TNPO1: variants seen among roughly 807,000 people sequenced by gnomAD.
TNPO1 encodes the protein transportin-1.
A neutral mutation model predicts 119.5 loss-of-function variants in TNPO1; 8 were observed. The observed-to-expected ratio is 0.07, with a 90% confidence interval of 0.04 to 0.12. The LOEUF is 0.12. Among genes scored for constraint, TNPO1 ranks in the 10% least tolerant of loss-of-function variants. The probability of loss-of-function intolerance (pLI) is 1.00; values close to 1 mark genes in which losing one functional copy is unlikely to be tolerated. For missense variants in TNPO1, 576 were observed against 1,089.8 expected (o/e 0.53, Z 6.64); for synonymous variants, 362 against 363.0 (o/e 1.00, Z 0.03).
intron 1 of TNPO1, chr5:72,848,102 C>T: frequency 8.9e-7 from 1 of 1,128,830 alleles, no homozygotes; most frequent in Non-Finnish European, 1.1e-6. Context: ...ATCTTGGGGC[C>T]AGATTGCAAA....
Position 72,819,299 on chromosome 5 carries a change from A to G in TNPO1, c.15+2547A>G, listed in dbSNP as rs976794013. On this transcript the variant is annotated intron_variant, in intron 1 of 24. Transcript: ENST00000337273. ...CACCAGATCATGATCAGATTTCAACATGAATTTTGATGGAGACAGACACAC... is the reference window on the plus strand; with the variant it reads ...CACCAGATCATGATCAGATTTCAACGTGAATTTTGATGGAGACAGACACAC... Among the ~76,000 whole-genome samples the G allele has an allele frequency of 8.5e-5, 13 of 152,354 alleles. 1 individual carries two copies. The South Asian group carries it at 2.7e-3, about 32-fold the overall frequency.
intron 9 of TNPO1, among the ~76,000 whole-genome samples, chr5:72,878,124 A>G (rs1747942174): frequency 6.6e-6 from 1 of 152,122 alleles, no homozygotes; most frequent in Non-Finnish European, 1.5e-5. Context: ...ATTTACATAA[A>G]TGACGATTAT....
chr5:72,885,644 T>C (rs975026278), intron 11 of TNPO1, among the ~76,000 whole-genome samples: 1 of 152,206 alleles, frequency 6.6e-6, no homozygotes, highest in Non-Finnish European at 1.5e-5. Flanking sequence ...GTGTACTGTT[T>C]AGTTGTATGG....
chr5:72,871,004 C>T (rs542445825), intron 6 of TNPO1, among the ~76,000 whole-genome samples: 2 of 152,234 alleles, frequency 1.3e-5, no homozygotes, highest in Non-Finnish European at 2.9e-5. Flanking sequence ...GAGTCTCTCT[C>T]CATCGCCCAG....
At chr5:72,844,219 A>G (rs571234514) in intron 1 of TNPO1, among the ~76,000 whole-genome samples, 2 of 152,244 alleles carry the variant, frequency 1.3e-5, no homozygotes, top group South Asian at 2.1e-4. Context: ...TAAACCATAG[A>G]TCTGTAATGA....
In TNPO1 at chr5:72,896,966, G is replaced by C. The variant is rs1749478936; in HGVS notation, c.2243-90G>C. The C allele has an allele frequency of 3.2e-6, 2 of 623,940 alleles. No homozygotes were observed. The highest frequency in any genetic ancestry group is 3.1e-5 in the East Asian group (1 of 32,634). The allele number at this position is 623,940 out of a possible 1,614,324, so 38.7% of individuals were successfully genotyped here. On this transcript the variant is annotated intron_variant, in intron 19 of 24. Transcript: ENST00000337273. ...ATTTCTATATTTATATGACATGTCA[G>C]AGTTAATACGGGAAGCAAAATATTT...
At chr5:72,900,703 T>C (rs1044773862) in intron 21 of TNPO1, among the ~76,000 whole-genome samples, 10 of 152,218 alleles carry the variant, frequency 6.6e-5, no homozygotes, top group African/African-American at 1.9e-4. Context: ...TCAGGCTCAT[T>C]AATAGTTTAA....
At chr5:72,865,481 G>T (rs940161726) in intron 5 of TNPO1, 115 bp from the exon 6 acceptor site, 6 of 1,148,576 alleles carry the variant, frequency 5.2e-6, no homozygotes, top group Non-Finnish European at 7.3e-6. Flanking sequence ...ATTTTAGAAG[G>T]CATTTTATGT....
At chr5:72,850,652 A>G (rs1010698165) in intron 2 of TNPO1, among the ~76,000 whole-genome samples, 2 of 152,228 alleles carry the variant, frequency 1.3e-5, no homozygotes, top group South Asian at 2.1e-4. Flanking sequence ...TGGTATCACT[A>G]AAAATGTTGC....
chr5:72,898,568 T>C (rs1166358410), intron 20 of TNPO1, among the ~76,000 whole-genome samples: 1 of 152,136 alleles, frequency 6.6e-6, no homozygotes, highest in Non-Finnish European at 1.5e-5. Flanking sequence ...TTAAAATCAT[T>C]GTCAATGGCT....
intron 2 of TNPO1, among the ~76,000 whole-genome samples, chr5:72,849,085 C>G (rs1745346503): frequency 6.6e-6 from 1 of 152,174 alleles, no homozygotes. Context: ...GGAAAGGGGT[C>G]TCTGTGCCTC....
chr5:72,903,031 CTG>C (rs1749905543), intron 22 of TNPO1, among the ~76,000 whole-genome samples: 1 of 152,054 alleles, frequency 6.6e-6, no homozygotes, highest in South Asian at 2.1e-4. Context: ...GTTTGTTGAA[CTG>C]TTAGTGTTTC....
chr5:72,882,770 C>T (rs776970613), intron 10 of TNPO1, among the ~76,000 whole-genome samples: 3 of 152,040 alleles, frequency 2.0e-5, no homozygotes, highest in Non-Finnish European at 4.4e-5. Context: ...ATTTTAAAAA[C>T]ATTCTTATAT....
intron 18 of TNPO1, 95 bp downstream of exon 18, chr5:72,893,798 T>A: frequency 8.8e-7 from 1 of 1,141,546 alleles, no homozygotes; most frequent in Non-Finnish European, 1.3e-6. Context: ...TTGCATGGAA[T>A]CCCAACATTT....
intron 4 of TNPO1, among the ~76,000 whole-genome samples, chr5:72,860,929 T>G (rs566602797): frequency 5.1e-4 from 78 of 152,208 alleles, no homozygotes; most frequent in African/African-American, 1.7e-3. Context: ...TTTTTTTTTT[T>G]GAGACAGAAT....
At chr5:72,865,822 A>ATTTT in intron 6 of TNPO1, 93 bp downstream of exon 6, 2 of 1,297,448 alleles carry the variant, frequency 1.5e-6, no homozygotes, top group Non-Finnish European at 1.1e-6. Flanking sequence ...CATTAGCAAA[A>ATTTT]GATCAAAAGA....
intron 1 of TNPO1, among the ~76,000 whole-genome samples, chr5:72,826,966 T>C (rs1390882847): frequency 6.6e-6 from 1 of 151,288 alleles, no homozygotes; most frequent in African/African-American, 2.4e-5. Context: ...AATGAAGAGA[T>C]GAGAAAAAAC....
intron 1 of TNPO1, among the ~76,000 whole-genome samples, chr5:72,833,339 A>G (rs771779946): frequency 4.0e-5 from 6 of 151,864 alleles, no homozygotes; most frequent in Non-Finnish European, 8.8e-5. Context: ...GTCCACCTCT[A>G]CCTCCCTAAG....
In TNPO1 at chr5:72,913,245, AAGTT is replaced by A. The variant is rs1293710528; in HGVS notation, c.*4577_*4580del. 1 of 152,448 alleles carries A rather than the reference AAGTT, an allele frequency of 6.6e-6. No homozygotes were observed. Among genetic ancestry groups the A allele is most frequent in the Non-Finnish European group, 1.5e-5 (1 of 67,916 alleles). The allele number at this position is 152,448 out of a possible 1,614,324, so 9.4% of individuals were successfully genotyped here. On this transcript the variant is annotated 3_prime_UTR_variant, in exon 25 of 25. Coordinates refer to ENST00000337273, the MANE Select transcript of TNPO1 (RefSeq NM_002270.4). ...CTCTCTAAAATTAAATTTTACATAA[AAGTT>A]AGTTTTATTCACCTTTAGGCTTTCC...
Sources: gnomAD v4.1 joint callset for allele counts (sites outside exome capture counted in the v4.1 genomes callset) on GRCh38, gnomAD v4.1.1 for gene constraint, MANE v1.5 for transcripts, NCBI Gene and HGNC (gene_info 2026-07-23, HGNC 2026-07-21) for gene names.